Variants in QRSL1 observed in about 807,000 individuals in gnomAD.
QRSL1 encodes glutaminyl-tRNA amidotransferase subunit QRSL1.
In QRSL1, 54 loss-of-function variants were observed where a neutral mutation model predicts 61.6. The ratio of observed to expected loss-of-function variants is 0.88; its 90% confidence interval spans 0.70 to 1.10. QRSL1 has a LOEUF of 1.10. Among genes scored for constraint, QRSL1 ranks in the 50% least tolerant of loss-of-function variants. The pLI, the probability that QRSL1 is intolerant of heterozygous loss-of-function variation, is 0.00. For missense variants in QRSL1, 505 were observed against 622.6 expected (o/e 0.81, Z 2.01); for synonymous variants, 228 against 225.7 (o/e 1.01, Z -0.09).
At chr6:106,657,505 A>C (rs1445397552) in intron 9 of QRSL1, among the ~76,000 whole-genome samples, 1 of 152,144 alleles carries the variant, frequency 6.6e-6, no homozygotes, top group Non-Finnish European at 1.5e-5. Flanking sequence ...CATAAAAAGA[A>C]ATTGAAGGAG....
intron 7 of QRSL1, 106 bp from the exon 8 acceptor site, chr6:106,654,624 G>T (rs1582417589): frequency 1.0e-6 from 1 of 955,648 alleles, no homozygotes; most frequent in East Asian, 2.7e-5. Flanking sequence ...ATTACCAAAG[G>T]TCCTGAAGTA....
chr6:106,656,483 G>T (rs545175450), intron 9 of QRSL1, among the ~76,000 whole-genome samples: 2 of 152,148 alleles, frequency 1.3e-5, no homozygotes, highest in South Asian at 4.1e-4. Context: ...GTTTATTCAC[G>T]ATCTTGTGAA....
intron 1 of QRSL1, among the ~76,000 whole-genome samples, chr6:106,634,488 C>A (rs549691149): frequency 2.6e-5 from 4 of 152,314 alleles, no homozygotes; most frequent in African/African-American, 9.6e-5. Flanking sequence ...AAAGACTGAC[C>A]GGGTGCAATG....
intron 7 of QRSL1, among the ~76,000 whole-genome samples, chr6:106,654,122 C>T (rs369791030): frequency 3.9e-5 from 6 of 152,052 alleles, no homozygotes; most frequent in South Asian, 4.1e-4. Flanking sequence ...GAGGCCGAGG[C>T]GGGCAGATCA....
chr6:106,638,691 C>T (rs896246799), intron 1 of QRSL1, among the ~76,000 whole-genome samples: 5 of 152,162 alleles, frequency 3.3e-5, no homozygotes, highest in Non-Finnish European at 5.9e-5. Flanking sequence ...CCTTGCTGCC[C>T]TCCTTATCCC....
chr6:106,641,621 G>A (rs1205182311), intron 3 of QRSL1, among the ~76,000 whole-genome samples: 1 of 152,154 alleles, frequency 6.6e-6, no homozygotes, highest in Non-Finnish European at 1.5e-5. Flanking sequence ...ATTCTATGAG[G>A]AATATGCCCC....
At chr6:106,656,124 AT>A (rs1777267097) in intron 9 of QRSL1, among the ~76,000 whole-genome samples, 1 of 152,240 alleles carries the variant, frequency 6.6e-6, no homozygotes, top group African/African-American at 2.4e-5. Flanking sequence ...TCTAGGGATA[AT>A]TTTAAACGTG....
At chr6:106,652,977 C>A in intron 7 of QRSL1, 1 of 419,776 alleles carries the variant, frequency 2.4e-6, no homozygotes, top group Non-Finnish European at 4.1e-6. Flanking sequence ...ACTTTATTTT[C>A]AAAAACCAGC....
At chr6:106,631,516 C>T (rs1776830580) in intron 1 of QRSL1, among the ~76,000 whole-genome samples, 2 of 152,138 alleles carry the variant, frequency 1.3e-5, no homozygotes, top group South Asian at 4.1e-4. Context: ...TTATCCTTGG[C>T]CACAAGGATC....
intron 5 of QRSL1, among the ~76,000 whole-genome samples, chr6:106,651,152 G>A (rs58597309): frequency 0.077 from 11,728 of 151,976 alleles, 535 homozygotes; most frequent in East Asian, 0.11. Flanking sequence ...TCATGTACGT[G>A]GTGTCATGTA....
intron 1 of QRSL1, among the ~76,000 whole-genome samples, chr6:106,636,816 TA>T (rs1460997028): frequency 1.3e-5 from 2 of 152,238 alleles, no homozygotes; most frequent in East Asian, 3.8e-4. Flanking sequence ...AAATTATATG[TA>T]TTTGCATTTT....
chr6:106,641,603 A>C (rs1243220009), intron 3 of QRSL1, among the ~76,000 whole-genome samples: 1 of 152,242 alleles, frequency 6.6e-6, no homozygotes, highest in Non-Finnish European at 1.5e-5. Context: ...CTAGACGCTA[A>C]AAATAATATT....
In QRSL1 at chr6:106,655,508, C is replaced by A. The variant is rs1204981303; in HGVS notation, c.1043-107C>A. The A allele has an allele frequency of 9.5e-6, 6 of 634,244 alleles. No homozygotes were observed. The East Asian group carries it at 1.9e-4, about 20-fold the overall frequency. The allele number at this position is 634,244 out of a possible 1,614,324, so 39.3% of individuals were successfully genotyped here. On this transcript the variant is annotated intron_variant, in intron 8 of 10. Coordinates refer to ENST00000369046, the MANE Select transcript of QRSL1 (RefSeq NM_018292.5). ...CCAGCCTAGGTGACAGAGTGAGACTCCATCTCAAAAAAAAAAAAAAAAAAA... is the reference window on the plus strand; with the variant it reads ...CCAGCCTAGGTGACAGAGTGAGACTACATCTCAAAAAAAAAAAAAAAAAAA...
chr6:106,665,850 G>A lies in QRSL1; in HGVS notation c.1435G>A (p.Gly479Arg). Residue 479 changes from glycine to arginine, a missense_variant, in exon 11 of 11, where the codon GGA (glycine) becomes AGA (arginine). Gly to Arg is a moderately radical substitution (Grantham distance 125, BLOSUM62 -2). Transcript: ENST00000369046. Reference sequence around the variant, plus strand: ...GTTGCCAATAGGACTGCAGTTTATTGGACGTGCGTTTTGTGACCAGCAGCT... The same window carrying A: ...GTTGCCAATAGGACTGCAGTTTATTAGACGTGCGTTTTGTGACCAGCAGCT... ...QGLPIGLQFI[G>R]RAFCDQQLLT... The A allele has an allele frequency of 6.2e-7, 1 of 1,613,936 alleles. No individual in the cohort carries two copies. The highest frequency in any genetic ancestry group is 8.5e-7 in the Non-Finnish European group (1 of 1,179,868).
chr6:106,664,252 T>A (rs568291785), intron 10 of QRSL1, among the ~76,000 whole-genome samples: 3 of 152,230 alleles, frequency 2.0e-5, no homozygotes, highest in Non-Finnish European at 2.9e-5. Flanking sequence ...CTCTCTTTTT[T>A]CTTTAAAACC....
intron 1 of QRSL1, among the ~76,000 whole-genome samples, chr6:106,639,934 G>T (rs893125544): frequency 6.6e-6 from 1 of 152,082 alleles, no homozygotes; most frequent in Non-Finnish European, 1.5e-5. Flanking sequence ...TAAAAATCCT[G>T]CAATGCCTCG....
At chr6:106,634,304 A>G (rs1002889314) in intron 1 of QRSL1, among the ~76,000 whole-genome samples, 1 of 152,232 alleles carries the variant, frequency 6.6e-6, no homozygotes, top group Non-Finnish European at 1.5e-5. Flanking sequence ...GGTAGGAGCC[A>G]AATTGTGGAG....
intron 4 of QRSL1, among the ~76,000 whole-genome samples, chr6:106,645,964 AG>A (rs1212192944): frequency 6.6e-6 from 1 of 152,110 alleles, no homozygotes; most frequent in Non-Finnish European, 1.5e-5. Context: ...TGAGGGCCTT[AG>A]GTGCAATGTT....
chr6:106,647,713 C>G (rs56219495), intron 4 of QRSL1, among the ~76,000 whole-genome samples: 1 of 120,806 alleles, frequency 8.3e-6, no homozygotes, highest in Non-Finnish European at 1.6e-5. Flanking sequence ...TGCAGTGGCG[C>G]GATCTCGGCT....
Sources: allele counts gnomAD v4.1 joint callset (sites outside exome capture counted in the v4.1 genomes callset), GRCh38; gene constraint gnomAD v4.1.1; transcripts MANE v1.5; gene names NCBI Gene and HGNC (gene_info 2026-07-23, HGNC 2026-07-21).